The following ECM2 variants were observed in gnomAD, a reference collection of about 807,000 sequenced individuals.
The protein encoded by ECM2 is extracellular matrix protein 2, also known as extracellular matrix protein 2, female organ and adipocyte specific.
A neutral mutation model predicts 67.5 loss-of-function variants in ECM2; 57 were observed. The observed-to-expected ratio is 0.84, with a 90% CI of 0.68 to 1.05. The LOEUF is 1.05. Among genes scored for constraint, ECM2 ranks in the 50% least tolerant of loss-of-function variants. The pLI, the probability that ECM2 is intolerant of heterozygous loss-of-function variation, is 0.00. For synonymous variants in ECM2, 258 were observed against 294.5 expected, an observed-to-expected ratio of 0.88 and a Z score of 1.27; for missense variants, 741 against 822.8, an observed-to-expected ratio of 0.90 and a Z score of 1.22.
At chr9:92,504,320 G>A (rs72754427) in intron 7 of ECM2, among the ~76,000 whole-genome samples, 4,959 of 152,250 alleles carry the variant, frequency 0.033, 131 homozygotes, top group South Asian at 0.083. Context: ...AGGAAGAAGA[G>A]GAAGGGTGGT....
At chr9:92,504,293 T>C (rs1846860262) in intron 7 of ECM2, among the ~76,000 whole-genome samples, 1 of 152,148 alleles carries the variant, frequency 6.6e-6, no homozygotes, top group African/African-American at 2.4e-5. Flanking sequence ...CATAACTCTG[T>C]CACTTAATCT....
chr9:92,515,504 T>C (rs374068658), intron 3 of ECM2, among the ~76,000 whole-genome samples: 4 of 152,336 alleles, frequency 2.6e-5, no homozygotes, highest in South Asian at 2.1e-4. Context: ...GGGAATAATA[T>C]TGCCACATGA....
At chr9:92,512,267 A>G (rs1847398629) in intron 4 of ECM2, 141 bp from the exon 5 acceptor site, 1 of 480,434 alleles carries the variant, frequency 2.1e-6, no homozygotes, top group South Asian at 3.8e-5. Context: ...CAGAATATAT[A>G]TTATATAACC....
At chr9:92,522,458 C>CTTTAGAAAA in intron 2 of ECM2, 117 bp downstream of exon 2, 1 of 1,136,754 alleles carries the variant, frequency 8.8e-7, no homozygotes, top group Non-Finnish European at 1.2e-6. Context: ...CTGGATTTTT[C>CTTTAGAAAA]TTTAGAAAAT....
Position 92,522,703 on chromosome 9 carries a change from A to G in ECM2, c.164T>C (p.Ile55Thr), listed in dbSNP as rs761257619. 49 of 1,614,050 alleles carry G rather than the reference A, an allele frequency of 3.0e-5. No homozygotes were observed. The highest frequency in any genetic ancestry group is 7.6e-6 in the Non-Finnish European group (9 of 1,180,024). The change falls in exon 2 of 10, where the codon ATT becomes ACT. Residue 55 changes from isoleucine to threonine, a missense_variant. By Grantham distance (89) the Ile-to-Thr change is moderately conservative (BLOSUM62 -1). Transcript: ENST00000344604. Reference sequence around the variant, plus strand: ...TGGTGTAAAAACTGTTGTTTGCTGAATTCCAAGCTGTCTGTTTGATCTGTG... The same window carrying G: ...TGGTGTAAAAACTGTTGTTTGCTGAGTTCCAAGCTGTCTGTTTGATCTGTG... Reference protein sequence around the residue: ...HKHRSNRQLGIQQTTVFTPVA... With the variant: ...HKHRSNRQLGTQQTTVFTPVA...
chr9:92,524,796 G>A (rs1453086260), intron 1 of ECM2, among the ~76,000 whole-genome samples: 1 of 152,200 alleles, frequency 6.6e-6, no homozygotes, highest in Non-Finnish European at 1.5e-5. Flanking sequence ...GAAGGTTAAA[G>A]TAACTAACTT....
At chr9:92,536,983 C>T (rs1026014991), upstream of ECM2, among the ~76,000 whole-genome samples, 5 of 151,568 alleles carry the variant, frequency 3.3e-5, no homozygotes, top group Non-Finnish European at 5.9e-5. Context: ...GATTCTCCTG[C>T]CTCAGCTTCC....
chr9:92,517,612 A>G, intron 3 of ECM2, 75 bp downstream of exon 3: 1 of 1,588,610 alleles, frequency 6.3e-7, no homozygotes, highest in Non-Finnish European at 8.6e-7. Context: ...ATTTTAATCT[A>G]AAATTAGTAA....
intron 1 of ECM2, among the ~76,000 whole-genome samples, chr9:92,523,412 ACCAGCCTCAACACCAC>A (rs1218510953): frequency 1.3e-5 from 2 of 152,150 alleles, no homozygotes; most frequent in Non-Finnish European, 2.9e-5. Flanking sequence ...TATGTTGGGG[ACCAGCCTCAACACCAC>A]CCATAGGGTA....
intron 3 of ECM2, chr9:92,517,318 C>T (rs1847789819): frequency 6.4e-6 from 2 of 311,920 alleles, no homozygotes; most frequent in African/African-American, 2.2e-5. Flanking sequence ...GATAAAGGCA[C>T]GTTGCACTGG....
At chr9:92,499,927 T>A (rs1226099696) in intron 9 of ECM2, among the ~76,000 whole-genome samples, 1 of 152,156 alleles carries the variant, frequency 6.6e-6, no homozygotes, top group East Asian at 1.9e-4. Context: ...GAGTGATGAT[T>A]CAGTATATAA....
chr9:92,549,524 G>A, the ECM2 span, among the ~76,000 whole-genome samples: 2 of 152,006 alleles, frequency 1.3e-5, no homozygotes, highest in African/African-American at 2.4e-5. Context: ...GCACACGCCT[G>A]TAGTCCCAGC....
chr9:92,552,216 C>CACACACACACA, the ECM2 span, among the ~76,000 whole-genome samples: 1 of 146,652 alleles, frequency 6.8e-6, no homozygotes, highest in African/African-American at 2.6e-5. Context: ...CACACACACA[C>CACACACACACA]CCCACAGTTT....
At chr9:92,526,817 C>T (rs1848443499) in intron 1 of ECM2, among the ~76,000 whole-genome samples, 2 of 151,842 alleles carry the variant, frequency 1.3e-5, no homozygotes, top group Admixed American at 6.6e-5. Context: ...TCTTAGTGTA[C>T]AGTGTTTATA....
Position 92,512,639 on chromosome 9 carries a change from G to A in ECM2, c.1055-513C>T, listed in dbSNP as rs185139283. On this transcript the variant is annotated intron_variant, in intron 4 of 9. Coordinates refer to ENST00000344604, the MANE Select transcript of ECM2 (RefSeq NM_001393.4). ...TCTCCCAGACTCTCTCAGATCTAAT[G>A]TTATGCCTCTACGGCTTCAATCTAC... 2.6e-5 allele frequency among the ~76,000 whole-genome samples: 4 copies of A among 152,252 alleles called. No homozygotes were observed. In the East Asian group the frequency reaches 7.7e-4, roughly 29 times the overall value.
chr9:92,545,119 C>T, the ECM2 span, among the ~76,000 whole-genome samples: 1 of 152,230 alleles, frequency 6.6e-6, no homozygotes, highest in Non-Finnish European at 1.5e-5. Context: ...CTTGGCACCT[C>T]CTCAGCCTCA....
At chr9:92,508,592 C>T (rs763641540) in intron 6 of ECM2, among the ~76,000 whole-genome samples, 18 of 152,206 alleles carry the variant, frequency 1.2e-4, no homozygotes, top group Non-Finnish European at 2.4e-4. Context: ...CTTTGGTCTT[C>T]AGCAGTTAGA....
At chr9:92,517,963 G>T in intron 2 of ECM2, 88 bp from the exon 3 acceptor site, 1 of 1,450,876 alleles carries the variant, frequency 6.9e-7, no homozygotes, top group Non-Finnish European at 9.5e-7. Context: ...AAGTCAAACT[G>T]CTCTAACCAC....
At chr9:92,515,569 C>T (rs1847650631) in intron 3 of ECM2, among the ~76,000 whole-genome samples, 1 of 152,080 alleles carries the variant, frequency 6.6e-6, no homozygotes, top group Non-Finnish European at 1.5e-5. Context: ...GTTGTGATAC[C>T]TTTATAATAG....
Sources: allele counts gnomAD v4.1 joint callset (sites outside exome capture counted in the v4.1 genomes callset), GRCh38; gene constraint gnomAD v4.1.1; transcripts MANE v1.5; gene names NCBI Gene and HGNC (gene_info 2026-07-23, HGNC 2026-07-21).